Variants in ISM1 observed in about 807,000 individuals in gnomAD.
ISM1 encodes isthmin-1.
ISM1 carries 25 observed loss-of-function variants against 46.3 expected under a neutral mutation model. That is an observed-to-expected ratio of 0.54 (90% CI 0.39 to 0.75). The LOEUF is 0.75. Among genes scored for constraint, ISM1 ranks in the 30% least tolerant of loss-of-function variants. The pLI, the probability that ISM1 is intolerant of heterozygous loss-of-function variation, is 0.00. For missense variants in ISM1, 536 were observed against 625.4 expected, an observed-to-expected ratio of 0.86 and a Z score of 1.52; for synonymous variants, 255 against 256.7, an observed-to-expected ratio of 0.99 and a Z score of 0.06.
chr20:13,228,379 A>G (rs1433904556), intron 1 of ISM1, among the ~76,000 whole-genome samples: 1 of 152,198 alleles, frequency 6.6e-6, no homozygotes, highest in African/African-American at 2.4e-5. Context: ...ATAAGAACCT[A>G]TATCTTTAGA....
the ISM1 span, among the ~76,000 whole-genome samples, chr20:13,315,682 C>G: frequency 2.0e-5 from 3 of 151,938 alleles, no homozygotes; most frequent in Non-Finnish European, 4.4e-5. Flanking sequence ...CTTCATCCAA[C>G]AACAGCAGAA....
chr20:13,248,987 T>C lies in ISM1; in HGVS notation c.139-21517T>C, dbSNP rs539414530. Among the ~76,000 whole-genome samples, 186 of 152,324 alleles carry C rather than the reference T, an allele frequency of 1.2e-3. 3 individuals carry two copies. Among genetic ancestry groups the C allele is most frequent in the African/African-American group, 4.4e-3 (181 of 41,566 alleles). ...GGCTTGTACAGGAGAAAAAGCTGTT[T>C]ATCTTTAGGTAAGATTGGCTAAACA... On this transcript the variant is annotated intron_variant, in intron 1 of 5. Coordinates refer to ENST00000262487, the MANE Select transcript of ISM1 (RefSeq NM_080826.2).
rs1217810866 is a variant in ISM1, at chr20:13,221,686, G to C, written c.-91G>C. ...GAGCCGAGGCGGGAGCCGCGCTGCCGGGCTCCCGGGCTCCTACTCCTCCTC... is the reference window on the plus strand; with the variant it reads ...GAGCCGAGGCGGGAGCCGCGCTGCCCGGCTCCCGGGCTCCTACTCCTCCTC... On this transcript the variant is annotated 5_prime_UTR_variant, in exon 1 of 6. Transcript: ENST00000262487. The C allele has an allele frequency of 1.4e-5, 16 of 1,114,976 alleles. No homozygotes were observed. In the Admixed American group the frequency reaches 2.2e-4, roughly 16 times the overall value. The allele number at this position is 1,114,976 out of a possible 1,614,324, so 69.1% of individuals were successfully genotyped here. A position where few individuals can be genotyped will look rare whatever the true frequency, so the allele number is the denominator to read the frequency against.
intron 1 of ISM1, among the ~76,000 whole-genome samples, chr20:13,262,294 G>C (rs1224423862): frequency 6.6e-6 from 1 of 152,202 alleles, no homozygotes; most frequent in Non-Finnish European, 1.5e-5. Context: ...GAGCTGGTTA[G>C]CTGCAGCCTG....
chr20:13,294,439 C>A (rs1046803438), intron 5 of ISM1, among the ~76,000 whole-genome samples: 1 of 152,196 alleles, frequency 6.6e-6, no homozygotes, highest in Non-Finnish European at 1.5e-5. Flanking sequence ...TAAAGGCATT[C>A]TTCTGAGACA....
In ISM1 at chr20:13,264,846, C is replaced by A. The variant is rs2040025486; in HGVS notation, c.139-5658C>A. Among the ~76,000 whole-genome samples the A allele has an allele frequency of 2.6e-5, 4 of 152,178 alleles. No homozygotes were observed. In the South Asian group the frequency reaches 8.3e-4, roughly 32 times the overall value. ...GTTTTCTCTTCTTGATTCATCTCAGCAGAGCTTTCCCAAGGGCATCCAGGG... is the reference window on the plus strand; with the variant it reads ...GTTTTCTCTTCTTGATTCATCTCAGAAGAGCTTTCCCAAGGGCATCCAGGG... On this transcript the variant is annotated intron_variant, in intron 1 of 5. Transcript: ENST00000262487.
downstream of ISM1, among the ~76,000 whole-genome samples, chr20:13,303,428 T>G (rs1351579944): frequency 6.6e-6 from 1 of 152,226 alleles, no homozygotes; most frequent in African/African-American, 2.4e-5. Context: ...TTCTAAAAGA[T>G]AGCCTGATCC....
intron 1 of ISM1, among the ~76,000 whole-genome samples, chr20:13,225,880 G>GGATATA (rs1469972491): frequency 6.6e-6 from 1 of 151,986 alleles, no homozygotes; most frequent in South Asian, 2.1e-4. Context: ...ACATAGATAT[G>GGATATA]GATATAGATA....
chr20:13,288,993 G>A (rs533197614), intron 4 of ISM1, among the ~76,000 whole-genome samples: 18 of 152,146 alleles, frequency 1.2e-4, no homozygotes, highest in African/African-American at 4.1e-4. Flanking sequence ...TCACCATGTT[G>A]GCCAGGTTGG....
intron 3 of ISM1, 89 bp downstream of exon 3, chr20:13,279,987 G>C: frequency 5.4e-6 from 7 of 1,300,016 alleles, no homozygotes; most frequent in South Asian, 1.4e-5. Flanking sequence ...ACCCTGCTTA[G>C]AGCATGTGGC....
chr20:13,251,965 G>GC (rs2039873193), intron 1 of ISM1, among the ~76,000 whole-genome samples: 1 of 152,302 alleles, frequency 6.6e-6, no homozygotes, highest in East Asian at 1.9e-4. Flanking sequence ...GCTGAAGCAA[G>GC]CAAGCAAATG....
chr20:13,265,663 G>T (rs1007477271), intron 1 of ISM1, among the ~76,000 whole-genome samples: 1 of 152,122 alleles, frequency 6.6e-6, no homozygotes, highest in Non-Finnish European at 1.5e-5. Context: ...AAAACCTCTT[G>T]CAATTGTGAT....
the ISM1 span, among the ~76,000 whole-genome samples, chr20:13,315,476 A>G: frequency 6.6e-6 from 1 of 151,914 alleles, no homozygotes; most frequent in Non-Finnish European, 1.5e-5. Context: ...TCAAGTCTCC[A>G]AGAAGACATA....
chr20:13,300,276 A>G lies in ISM1; in HGVS notation c.*817A>G, dbSNP rs1295114072. The G allele has an allele frequency of 6.6e-6, 1 of 152,250 alleles. No homozygotes were observed. The highest frequency in any genetic ancestry group is 1.5e-5 in the Non-Finnish European group (1 of 68,048). 9.4% of individuals were successfully genotyped at this position (152,250 alleles called of 1,614,324 possible). A position where few individuals can be genotyped will look rare whatever the true frequency, so the allele number is the denominator to read the frequency against. ...GAAGACTGCAGCCAAGTTCAGATGT[A>G]AAAACAAGAAGTAGCACTTTTCCAA... On this transcript the variant is annotated 3_prime_UTR_variant, in exon 6 of 6. Transcript: ENST00000262487.
intron 1 of ISM1, among the ~76,000 whole-genome samples, chr20:13,230,265 G>A (rs1000307790): frequency 2.0e-5 from 3 of 152,072 alleles, no homozygotes; most frequent in East Asian, 3.9e-4. Flanking sequence ...AATCTTTTAC[G>A]CTACATGTTA....
the ISM1 span, among the ~76,000 whole-genome samples, chr20:13,308,885 C>A: frequency 6.6e-6 from 1 of 152,068 alleles, no homozygotes; most frequent in East Asian, 1.9e-4. Flanking sequence ...AGCTCTCTTG[C>A]CCTCTTTCCA....
chr20:13,279,200 T>C (rs1187692606), intron 2 of ISM1, among the ~76,000 whole-genome samples: 1 of 152,226 alleles, frequency 6.6e-6, no homozygotes, highest in South Asian at 2.1e-4. Flanking sequence ...ATAAATGTTA[T>C]GTTTTATTAT....
At chr20:13,303,090 G>C (rs887594612), downstream of ISM1, among the ~76,000 whole-genome samples, 11 of 152,184 alleles carry the variant, frequency 7.2e-5, no homozygotes, top group African/African-American at 2.7e-4. Flanking sequence ...CCAGTCTATA[G>C]ATAAGGAAAA....
the ISM1 span, among the ~76,000 whole-genome samples, chr20:13,321,811 C>T: frequency 4.6e-5 from 7 of 152,118 alleles, no homozygotes; most frequent in South Asian, 4.1e-4. Flanking sequence ...TAGGGAATGT[C>T]GAAGTGTGTG....
Sources: gnomAD v4.1 joint callset for allele counts (sites outside exome capture counted in the v4.1 genomes callset) on GRCh38, gnomAD v4.1.1 for gene constraint, MANE v1.5 for transcripts, NCBI Gene and HGNC (gene_info 2026-07-23, HGNC 2026-07-21) for gene names.